Variants in L3MBTL4 observed in about 807,000 individuals in gnomAD.
L3MBTL4 encodes lethal(3)malignant brain tumor-like protein 4.
In L3MBTL4, 70 loss-of-function variants were observed where a neutral mutation model predicts 84.5. That is an observed-to-expected ratio of 0.83 (90% CI 0.68 to 1.01). L3MBTL4 has a LOEUF of 1.01. Ranked by LOEUF, L3MBTL4 falls within the 50% of genes least tolerant of loss-of-function variation. The pLI is 0.00. For synonymous variants in L3MBTL4, 274 were observed against 259.8 expected (o/e 1.05, Z -0.52); for missense variants, 715 against 754.8 (o/e 0.95, Z 0.62).
Position 6,009,038 on chromosome 18 carries a change from G to A in L3MBTL4, c.1445-39476C>T, listed in dbSNP as rs890755834. On this transcript the variant is annotated intron_variant, in intron 16 of 18. Coordinates refer to ENST00000317931, the MANE Select transcript of L3MBTL4 (RefSeq NM_001330559.2). ...GGCACAAGTGGCTCAGAGGTGTGGT[G>A]AGGAACCACACAGACCTCGGGAGGG... is the stretch of plus-strand genomic sequence containing the variant. Among the ~76,000 whole-genome samples the A allele has an allele frequency of 3.9e-5, 6 of 152,194 alleles. 1 individual carries two copies. Among genetic ancestry groups the A allele is most frequent in the Admixed American group, 2.6e-4 (4 of 15,286 alleles).
At chr18:5,963,577 CG>C (rs1350550813) in intron 17 of L3MBTL4, among the ~76,000 whole-genome samples, 1 of 152,150 alleles carries the variant, frequency 6.6e-6, no homozygotes, top group African/African-American at 2.4e-5. Flanking sequence ...CCATTTGATT[CG>C]GCCTATCTGT....
intron 16 of L3MBTL4, among the ~76,000 whole-genome samples, chr18:6,011,034 C>T (rs1343737229): frequency 1.3e-5 from 2 of 152,148 alleles, no homozygotes; most frequent in African/African-American, 4.8e-5. Flanking sequence ...GGAAGTCAAC[C>T]TGGATAATGA....
intron 16 of L3MBTL4, among the ~76,000 whole-genome samples, chr18:5,988,910 GTTCAT>G (rs2053572605): frequency 6.6e-6 from 1 of 152,194 alleles, no homozygotes; most frequent in Non-Finnish European, 1.5e-5. Context: ...CTTACCACCA[GTTCAT>G]TCTCTTCTCT....
chr18:6,100,772 G>C (rs1205218249), intron 14 of L3MBTL4, among the ~76,000 whole-genome samples: 1 of 152,192 alleles, frequency 6.6e-6, no homozygotes, highest in East Asian at 1.9e-4. Context: ...GGTGGGGAGT[G>C]GGGGAGCAGT....
rs546714683 is a variant in L3MBTL4 at position 5,974,981 on chromosome 18, T to A, written c.1445-5419A>T. Reference sequence around the variant, plus strand: ...TGTCTCTATTGTTTTGTTTTTTTTTTTTAAAAAGAGGAAGAATATTTTTTA... The same window carrying A: ...TGTCTCTATTGTTTTGTTTTTTTTTATTAAAAAGAGGAAGAATATTTTTTA... On this transcript the variant is annotated intron_variant, in intron 16 of 18. Transcript: ENST00000317931. Among the ~76,000 whole-genome samples, 1,454 of 151,658 alleles carry A rather than the reference T, an allele frequency of 9.6e-3. 17 individuals carry two copies. Among genetic ancestry groups the A allele is most frequent in the African/African-American group, 0.025 (1,040 of 41,312 alleles).
intron 16 of L3MBTL4, among the ~76,000 whole-genome samples, chr18:6,050,959 C>T (rs545179587): frequency 1.6e-4 from 24 of 152,120 alleles, no homozygotes; most frequent in Admixed American, 9.2e-4. Context: ...CTGGGGAAGC[C>T]GATGTGAGAG....
At chr18:5,962,327 G>A (rs999054728) in intron 17 of L3MBTL4, among the ~76,000 whole-genome samples, 10 of 152,128 alleles carry the variant, frequency 6.6e-5, no homozygotes, top group East Asian at 1.9e-4. Flanking sequence ...GTGGATGTAC[G>A]GGGAAGAAAT....
At chr18:6,135,402 T>C (rs769799233) in intron 14 of L3MBTL4, among the ~76,000 whole-genome samples, 10 of 152,112 alleles carry the variant, frequency 6.6e-5, no homozygotes, top group Non-Finnish European at 1.2e-4. Flanking sequence ...AAAAAATGGG[T>C]TTTTCTTTTC....
chr18:6,026,646 A>C (rs966112772), intron 16 of L3MBTL4, among the ~76,000 whole-genome samples: 2 of 152,350 alleles, frequency 1.3e-5, no homozygotes, highest in African/African-American at 2.4e-5. Context: ...CGTGAGGATC[A>C]GAATAACCAC....
intron 4 of L3MBTL4, among the ~76,000 whole-genome samples, chr18:6,281,921 A>T (rs2077241): frequency 0.18 from 26,911 of 152,186 alleles, 2,445 homozygotes; most frequent in East Asian, 0.23. Context: ...GAACAAATAC[A>T]TTTCTACTTG....
intron 15 of L3MBTL4, 34 bp downstream of exon 15, chr18:6,093,321 A>C: frequency 6.5e-7 from 1 of 1,543,096 alleles, no homozygotes. Context: ...TACATGGTTT[A>C]CTTTCTGGCT....
chr18:6,398,341 G>C (rs1382422509), intron 1 of L3MBTL4, among the ~76,000 whole-genome samples: 3 of 152,204 alleles, frequency 2.0e-5, no homozygotes, highest in Admixed American at 2.0e-4. Context: ...CCTGTGGCAG[G>C]TTAAGACAAA....
At chr18:6,311,078 C>T (rs1046959507) in intron 3 of L3MBTL4, among the ~76,000 whole-genome samples, 1 of 152,122 alleles carries the variant, frequency 6.6e-6, no homozygotes, top group African/African-American at 2.4e-5. Context: ...ACGTGTCAGC[C>T]CCCACAACCT....
At chr18:5,999,994 C>T (rs2054145054) in intron 16 of L3MBTL4, among the ~76,000 whole-genome samples, 1 of 151,972 alleles carries the variant, frequency 6.6e-6, no homozygotes, top group South Asian at 2.1e-4. Flanking sequence ...AGAGAGAAAC[C>T]TTTTAGTTGG....
chr18:6,068,834 G>T (rs918664032), intron 16 of L3MBTL4, among the ~76,000 whole-genome samples: 1 of 152,122 alleles, frequency 6.6e-6, no homozygotes, highest in Non-Finnish European at 1.5e-5. Flanking sequence ...TATAAGAAAC[G>T]TCCCACTAGT....
At chr18:6,284,337 C>A (rs1240572113) in intron 4 of L3MBTL4, among the ~76,000 whole-genome samples, 1 of 152,166 alleles carries the variant, frequency 6.6e-6, no homozygotes, top group Non-Finnish European at 1.5e-5. Context: ...AGAGGGAAAT[C>A]CACAGGGGCT....
intron 11 of L3MBTL4, among the ~76,000 whole-genome samples, chr18:6,213,797 T>G (rs1304598051): frequency 6.6e-6 from 1 of 152,252 alleles, no homozygotes; most frequent in African/African-American, 2.4e-5. Context: ...AATAATTTTT[T>G]GGCCATTTTA....
At chr18:6,072,705 A>T (rs1345663908) in intron 16 of L3MBTL4, among the ~76,000 whole-genome samples, 2 of 147,266 alleles carry the variant, frequency 1.4e-5, no homozygotes, top group African/African-American at 5.0e-5. Context: ...CACAAAAAAA[A>T]ATTAGCTGGG....
intron 16 of L3MBTL4, among the ~76,000 whole-genome samples, chr18:6,075,677 C>A (rs948179166): frequency 6.6e-6 from 1 of 152,024 alleles, no homozygotes; most frequent in South Asian, 2.1e-4. Flanking sequence ...ATATTAAAAT[C>A]TGGAATTTGC....
Sources: allele counts gnomAD v4.1 joint callset (sites outside exome capture counted in the v4.1 genomes callset), GRCh38; gene constraint gnomAD v4.1.1; transcripts MANE v1.5; gene names NCBI Gene and HGNC (gene_info 2026-07-23, HGNC 2026-07-21).